Variants in POU2F1 observed in about 807,000 individuals in gnomAD.
POU2F1 encodes the protein POU class 2 homeobox 1.
POU2F1 carries 16 observed loss-of-function variants against 84.9 expected under a neutral mutation model. The ratio of observed to expected loss-of-function variants is 0.19; its 90% confidence interval spans 0.13 to 0.29. The LOEUF is 0.29. Ranked by LOEUF, POU2F1 falls within the 10% of genes least tolerant of loss-of-function variation. The probability of loss-of-function intolerance (pLI) is 1.00; values close to 1 mark genes in which losing one functional copy is unlikely to be tolerated. For missense variants in POU2F1, 738 were observed against 942.6 expected, an observed-to-expected ratio of 0.78 and a Z score of 2.84; for synonymous variants, 368 against 368.3, an observed-to-expected ratio of 1.00 and a Z score of 0.01.
At position 167,399,248 on chromosome 1, in the gene POU2F1, G is replaced by A. The variant is rs1428269370; in HGVS notation, c.1332G>A (p.Glu444=). The part of the protein sequence containing the change: ...MIADQLNMEK[E]VIRVWFCNRR... ...CTGATCAGCTCAATATGGAAAAAGA[G>A]GTGATTCGTGTTTGGTTCTGTAACC... The change falls in exon 12 of 16, where the codon GAG becomes GAA. Residue 444 remains glutamate, a synonymous_variant. Coordinates refer to ENST00000367866, the MANE Select transcript of POU2F1 (RefSeq NM_002697.4). 8.7e-6 allele frequency: 14 copies of A among 1,613,832 alleles called. No homozygotes were observed. Among genetic ancestry groups the A allele is most frequent in the Non-Finnish European group, 1.1e-5 (13 of 1,179,976 alleles).
At chr1:167,341,156 T>C (rs931469626) in intron 2 of POU2F1, among the ~76,000 whole-genome samples, 19 of 152,340 alleles carry the variant, frequency 1.2e-4, no homozygotes, top group African/African-American at 4.6e-4. Flanking sequence ...ATTCACAGAA[T>C]TAGACAGTAT....
rs145740625 is a variant in POU2F1, at chr1:167,361,712, A to C, written c.128-3755A>C. Among the ~76,000 whole-genome samples the C allele has an allele frequency of 3.4e-3, 515 of 152,202 alleles. 9 individuals are homozygous for C. The highest frequency in any genetic ancestry group is 0.031 in the Admixed American group (469 of 15,282). ...AAGAAGTTAGGGAGGAGTTCCTCCT[A>C]CTTGATTTTTGGGGGATAGTTTCAG... On this transcript the variant is annotated intron_variant, in intron 2 of 15. Coordinates refer to ENST00000367866, the MANE Select transcript of POU2F1 (RefSeq NM_002697.4).
intron 1 of POU2F1, among the ~76,000 whole-genome samples, chr1:167,229,922 C>T (rs1483377711): frequency 6.6e-6 from 1 of 152,212 alleles, no homozygotes; most frequent in Non-Finnish European, 1.5e-5. Flanking sequence ...CTAGCCCCTA[C>T]CCTTGCCTAT....
chr1:167,412,600 T>A (rs1369051847), intron 14 of POU2F1, among the ~76,000 whole-genome samples: 2 of 152,160 alleles, frequency 1.3e-5, no homozygotes, highest in African/African-American at 4.8e-5. Context: ...AATTCTTGAC[T>A]CTTATTTTCC....
intron 7 of POU2F1, among the ~76,000 whole-genome samples, chr1:167,377,313 G>A (rs922219112): frequency 1.5e-4 from 23 of 152,182 alleles, no homozygotes; most frequent in East Asian, 3.8e-4. Flanking sequence ...ATGGCCAGGC[G>A]TGGTGGCTGA....
intron 2 of POU2F1, among the ~76,000 whole-genome samples, chr1:167,347,016 T>TA (rs1211334460): frequency 4.6e-5 from 7 of 152,184 alleles, no homozygotes; most frequent in Non-Finnish European, 1.0e-4. Flanking sequence ...TTTTAGCTAT[T>TA]ATTTATGTCC....
chr1:167,365,470 C>A lies in POU2F1; in HGVS notation c.131C>A (p.Thr44Lys). 6.3e-7 allele frequency: 1 copy of A among 1,576,616 alleles called. No individual in the cohort carries two copies. The highest frequency in any genetic ancestry group is 1.2e-5 in the South Asian group (1 of 85,330). ...AATTATTTTGCTTGCTTTCTAGGCA[C>A]ACAAACCAATGGTCTGGACTTTCAG... ...SMESGDGNTG[T>K]QTNGLDFQKQ... Residue 44 changes from threonine (T) to lysine (K), a missense_variant, in exon 3 of 16, where the codon ACA becomes AAA. This residue lies in a region of POU2F1 where 161 missense variants were observed against 147.0 expected (regional missense o/e 1.10). Coordinates refer to ENST00000367866, the MANE Select transcript of POU2F1 (RefSeq NM_002697.4).
At chr1:167,378,744 G>A (rs918345884) in intron 7 of POU2F1, among the ~76,000 whole-genome samples, 8 of 151,766 alleles carry the variant, frequency 5.3e-5, no homozygotes. Context: ...GGAATAAATA[G>A]GAAATGGATT....
At chr1:167,253,388 C>CCG (rs1457066761) in intron 1 of POU2F1, among the ~76,000 whole-genome samples, 1 of 141,462 alleles carries the variant, frequency 7.1e-6, no homozygotes, top group Non-Finnish European at 1.5e-5. Flanking sequence ...CCCCCCCCCC[C>CCG]CAAACACACA....
intron 2 of POU2F1, 124 bp downstream of exon 2, chr1:167,332,659 G>T (rs1657152736): frequency 3.0e-6 from 2 of 667,472 alleles, no homozygotes; most frequent in South Asian, 2.2e-5. Context: ...TGTCAAATAT[G>T]ATTCAGTCCT....
rs1178470532 is a variant in POU2F1, at chr1:167,425,908, T to TTAC, written c.*10099_*10100insACT. 1.3e-5 allele frequency: 2 copies of TTAC among 151,754 alleles called. No homozygotes were observed. Among genetic ancestry groups the TTAC allele is most frequent in the African/African-American group, 4.8e-5 (2 of 41,362 alleles). The allele number at this position is 151,754 out of a possible 1,614,324, so 9.4% of individuals were successfully genotyped here. A position where few individuals can be genotyped will look rare whatever the true frequency, so the allele number is the denominator to read the frequency against. On this transcript the variant is annotated 3_prime_UTR_variant, in exon 16 of 16. Coordinates refer to ENST00000367866, the MANE Select transcript of POU2F1 (RefSeq NM_002697.4). ...TGCAGCACCACTGTGCAACTATGCA[T>TTAC]TGTACTTCACAACCTTTTGTGCTAG...
intron 1 of POU2F1, among the ~76,000 whole-genome samples, chr1:167,229,084 C>T (rs1279099278): frequency 6.6e-6 from 1 of 151,764 alleles, no homozygotes; most frequent in Non-Finnish European, 1.5e-5. Context: ...CTTTGGGGCT[C>T]TATTGTGGAG....
Position 167,419,524 on chromosome 1 carries a change from T to C in POU2F1, c.*3714T>C, listed in dbSNP as rs1300103341. On this transcript the variant is annotated 3_prime_UTR_variant, in exon 16 of 16. Transcript: ENST00000367866. ...AGTGGTGCAATTTGGTCATAAACTTTATTTATACCCTGTATACATCTGAAT... is the reference window on the plus strand; with the variant it reads ...AGTGGTGCAATTTGGTCATAAACTTCATTTATACCCTGTATACATCTGAAT... 1 of 152,212 alleles carries C rather than the reference T, an allele frequency of 6.6e-6. No individual in the cohort carries two copies. Among genetic ancestry groups the C allele is most frequent in the East Asian group, 1.9e-4 (1 of 5,190 alleles). 9.4% of individuals were successfully genotyped at this position (152,212 alleles called of 1,614,324 possible). A position where few individuals can be genotyped will look rare whatever the true frequency, so the allele number is the denominator to read the frequency against.
Position 167,426,320 on chromosome 1 carries a change from A to G in POU2F1, c.*10510A>G, listed in dbSNP as rs1272371520. ...AGCATGAAAATAATTGAACTGTCCT[A>G]TTCTTAGTAGTTTGAAATAATAGTA... is the stretch of plus-strand genomic sequence containing the variant. On this transcript the variant is annotated 3_prime_UTR_variant, in exon 16 of 16. Transcript: ENST00000367866. 5 of 152,156 alleles carry G rather than the reference A, an allele frequency of 3.3e-5. No individual in the cohort carries two copies. The highest frequency in any genetic ancestry group is 3.3e-4 in the Admixed American group (5 of 15,272). The allele number at this position is 152,156 out of a possible 1,614,324, so 9.4% of individuals were successfully genotyped here.
chr1:167,285,533 C>T (rs974795176), intron 1 of POU2F1, among the ~76,000 whole-genome samples: 11 of 151,302 alleles, frequency 7.3e-5, no homozygotes, highest in South Asian at 2.1e-4. Context: ...GCAAAGCTTG[C>T]GGTGAGCTGA....
At chr1:167,224,278 CTG>C (rs759333947) in intron 1 of POU2F1, among the ~76,000 whole-genome samples, 8 of 152,240 alleles carry the variant, frequency 5.3e-5, no homozygotes, top group Non-Finnish European at 1.0e-4. Flanking sequence ...TTATAAGAAA[CTG>C]TGTTTCTTAA....
At chr1:167,269,389 A>G (rs1395340261) in intron 1 of POU2F1, among the ~76,000 whole-genome samples, 3 of 152,220 alleles carry the variant, frequency 2.0e-5, no homozygotes, top group Non-Finnish European at 4.4e-5. Context: ...CTATTGAAAT[A>G]GAGACCTCCT....
chr1:167,260,122 C>T (rs1227031931), intron 1 of POU2F1, among the ~76,000 whole-genome samples: 1 of 152,226 alleles, frequency 6.6e-6, no homozygotes, highest in African/African-American at 2.4e-5. Flanking sequence ...TCGTGATCCG[C>T]CCGCCTCAGC....
chr1:167,287,052 G>A (rs1653579158), intron 1 of POU2F1, among the ~76,000 whole-genome samples: 1 of 152,082 alleles, frequency 6.6e-6, no homozygotes, highest in Non-Finnish European at 1.5e-5. Context: ...GATTTTTCAG[G>A]GCAGGGAAAT....
Sources: gnomAD v4.1 joint callset for allele counts (sites outside exome capture counted in the v4.1 genomes callset) on GRCh38, gnomAD v4.1.1 for gene constraint, gnomAD v4.1.1 regional missense constraint, MANE v1.5 for transcripts, NCBI Gene and HGNC (gene_info 2026-07-23, HGNC 2026-07-21) for gene names.